SSBP3: variants seen among roughly 807,000 people sequenced by gnomAD.
The protein encoded by SSBP3 is single-stranded DNA-binding protein 3.
Under a neutral mutation model 69.6 loss-of-function variants are expected in SSBP3, and 5 were observed. The observed-to-expected ratio is 0.07, with a 90% CI of 0.04 to 0.15. The LOEUF (loss-of-function observed/expected upper bound fraction) is 0.15. Among genes scored for constraint, SSBP3 ranks in the 10% least tolerant of loss-of-function variants. The probability of loss-of-function intolerance (pLI) is 1.00; values close to 1 mark genes in which losing one functional copy is unlikely to be tolerated. For missense variants in SSBP3, 312 were observed against 534.0 expected (o/e 0.58, Z 4.10); for synonymous variants, 196 against 193.4 (o/e 1.01, Z -0.11).
At chr1:54,308,284 C>A (rs920938799) in intron 4 of SSBP3, among the ~76,000 whole-genome samples, 17 of 152,164 alleles carry the variant, frequency 1.1e-4, no homozygotes, top group African/African-American at 4.1e-4. Context: ...TGGTGAAATC[C>A]CGTCTCTACT....
At chr1:54,339,822 G>A (rs546394139) in intron 4 of SSBP3, among the ~76,000 whole-genome samples, 4 of 152,308 alleles carry the variant, frequency 2.6e-5, no homozygotes, top group Admixed American at 2.0e-4. Context: ...CTGAGGGTAG[G>A]AGAATTGCTT....
intron 4 of SSBP3, among the ~76,000 whole-genome samples, chr1:54,368,595 C>T (rs1385056371): frequency 6.6e-6 from 1 of 152,146 alleles, no homozygotes; most frequent in Non-Finnish European, 1.5e-5. Flanking sequence ...GTGAGAATTA[C>T]TGTCTTTTTT....
intron 4 of SSBP3, among the ~76,000 whole-genome samples, chr1:54,393,882 C>T (rs1232685915): frequency 6.6e-6 from 1 of 152,188 alleles, no homozygotes; most frequent in African/African-American, 2.4e-5. Context: ...GCCTCAGCCT[C>T]CAGAGTAGCT....
intron 5 of SSBP3, among the ~76,000 whole-genome samples, chr1:54,267,628 G>A (rs899565973): frequency 8.5e-5 from 13 of 152,198 alleles, no homozygotes; most frequent in African/African-American, 2.7e-4. Context: ...GCAGGCCTGG[G>A]TGTGGTTCTA....
At chr1:54,313,257 A>G (rs1646036743) in intron 4 of SSBP3, among the ~76,000 whole-genome samples, 2 of 151,888 alleles carry the variant, frequency 1.3e-5, no homozygotes, top group Non-Finnish European at 2.9e-5. Context: ...TCCAAAGAAG[A>G]ACCTGGGGGA....
intron 14 of SSBP3, chr1:54,237,839 G>A (rs567338835): frequency 2.2e-5 from 7 of 312,638 alleles, no homozygotes; most frequent in East Asian, 8.0e-5. Flanking sequence ...TGCAGCGTGC[G>A]GAGTTGCAGC....
chr1:54,255,096 G>T (rs1366352016), intron 7 of SSBP3, among the ~76,000 whole-genome samples: 1 of 135,212 alleles, frequency 7.4e-6, no homozygotes, highest in Non-Finnish European at 1.5e-5. Context: ...CTCCCAAAGT[G>T]CTAGCATTAT....
At chr1:54,227,190 G>GGT (rs777768042) in intron 17 of SSBP3, 30 bp from the exon 18 acceptor site, 6 of 1,158,624 alleles carry the variant, frequency 5.2e-6, no homozygotes, top group Non-Finnish European at 6.3e-6. Context: ...AAGGGGGGGG[G>GGT]GTGAGGATTG....
At chr1:54,401,945 A>G (rs1480189573) in exon 4 of SSBP3, 1 of 1,613,300 alleles carries the variant, frequency 6.2e-7, no homozygotes, top group Non-Finnish European at 8.5e-7. Flanking sequence ...CCCAAAATAC[A>G]CTGCGAGGAG....
chr1:54,308,796 A>C lies in SSBP3; in HGVS notation c.277-27269T>G, dbSNP rs150058151. ...AAAAAAGAAGAAGAAGAAGAAGAAT[A>C]GGATAAGCCATTGATCACCAAGGAA... On this transcript the variant is annotated intron_variant, in intron 4 of 17. Transcript: ENST00000610401. 7.0e-3 allele frequency among the ~76,000 whole-genome samples: 1,064 copies of C among 152,112 alleles called. 13 individuals are homozygous for C. The highest frequency in any genetic ancestry group is 0.024 in the African/African-American group (1,014 of 41,502).
At chr1:54,336,146 T>A (rs1374644666) in intron 4 of SSBP3, among the ~76,000 whole-genome samples, 2 of 152,258 alleles carry the variant, frequency 1.3e-5, no homozygotes, top group Non-Finnish European at 2.9e-5. Flanking sequence ...CAGGGACTTC[T>A]GTACCTCTGA....
chr1:54,278,685 G>A (rs1165291906), intron 5 of SSBP3, among the ~76,000 whole-genome samples: 7 of 152,222 alleles, frequency 4.6e-5, no homozygotes, highest in African/African-American at 1.7e-4. Flanking sequence ...TGAAAACTGG[G>A]CTGGCCACCC....
chr1:54,237,946 C>T, intron 14 of SSBP3: 2 of 364,328 alleles, frequency 5.5e-6, no homozygotes, highest in South Asian at 4.3e-5. Context: ...ATCATCCACG[C>T]CATTTCCATC....
At chr1:54,400,220 A>C (rs1232772126) in intron 4 of SSBP3, among the ~76,000 whole-genome samples, 1 of 152,198 alleles carries the variant, frequency 6.6e-6, no homozygotes, top group Non-Finnish European at 1.5e-5. Flanking sequence ...AAAATCATTA[A>C]CTTCTCTGAA....
intron 4 of SSBP3, among the ~76,000 whole-genome samples, chr1:54,337,262 T>A (rs1363029785): frequency 6.6e-6 from 1 of 152,052 alleles, no homozygotes; most frequent in Non-Finnish European, 1.5e-5. Flanking sequence ...CATCCCAGCC[T>A]CACACACACT....
intron 4 of SSBP3, among the ~76,000 whole-genome samples, chr1:54,365,044 AGGAG>A (rs1212724149): frequency 1.3e-5 from 2 of 152,236 alleles, no homozygotes; most frequent in Non-Finnish European, 2.9e-5. Context: ...ACAGAGGGGC[AGGAG>A]GGAGGGAAGA....
chr1:54,226,183 G>C (rs1644282216), exon 18 of SSBP3: 1 of 153,176 alleles, frequency 6.5e-6, no homozygotes, highest in Admixed American at 6.5e-5. Flanking sequence ...ACTGGGGTGG[G>C]GGCAGAGGAG....
intron 4 of SSBP3, among the ~76,000 whole-genome samples, chr1:54,317,308 G>A (rs970792523): frequency 7.9e-5 from 12 of 152,156 alleles, no homozygotes; most frequent in African/African-American, 1.9e-4. Context: ...AGGCCAAGGC[G>A]GGCAGATCGC....
Position 54,259,650 on chromosome 1 carries a change from C to T in SSBP3, c.367-1501G>A, listed in dbSNP as rs967776286. On this transcript the variant is annotated intron_variant, in intron 5 of 17. Coordinates refer to ENST00000610401, the Ensembl canonical transcript of SSBP3. The stretch of plus-strand genomic sequence containing the variant: ...GGTAGGGTTTCCCCCTTGGCCTTCT[C>T]CTGCAGAGCCAGGCTGCCAGCCGCC... Among the ~76,000 whole-genome samples the T allele has an allele frequency of 9.2e-5, 14 of 152,250 alleles. No individual in the cohort carries two copies. In the East Asian group the frequency reaches 2.3e-3, roughly 25 times the overall value.
Sources: allele counts gnomAD v4.1 joint callset (sites outside exome capture counted in the v4.1 genomes callset), GRCh38; gene constraint gnomAD v4.1.1; transcripts MANE v1.5; gene names NCBI Gene and HGNC (gene_info 2026-07-23, HGNC 2026-07-21).